Variants in AFAP1 observed in about 807,000 individuals in gnomAD.
The protein encoded by AFAP1 is actin filament associated protein 1, also known as actin filament-associated protein 1.
AFAP1 carries 75 observed loss-of-function variants against 93.9 expected under a neutral mutation model. That is an observed-to-expected ratio of 0.80 (90% CI 0.66 to 0.97). AFAP1 has a LOEUF of 0.97. AFAP1 is among the 50% of genes least tolerant of loss of function. The probability of loss-of-function intolerance (pLI) is 0.00; values close to 1 mark genes in which losing one functional copy is unlikely to be tolerated. For missense variants in AFAP1, 1,201 were observed against 1,050.8 expected, an observed-to-expected ratio of 1.14 and a Z score of -1.98; for synonymous variants, 517 against 430.7, an observed-to-expected ratio of 1.20 and a Z score of -2.48.
At chr4:7,883,321 TTAA>T (rs1407660721) in intron 1 of AFAP1, among the ~76,000 whole-genome samples, 2 of 152,074 alleles carry the variant, frequency 1.3e-5, no homozygotes, top group Non-Finnish European at 2.9e-5. Context: ...TCAACAAAAT[TTAA>T]TAATCATTCC....
At chr4:7,848,505 G>C (rs758350895) in intron 4 of AFAP1, among the ~76,000 whole-genome samples, 1 of 152,102 alleles carries the variant, frequency 6.6e-6, no homozygotes, top group African/African-American at 2.4e-5. Flanking sequence ...TCCCAAGGCC[G>C]GGATGCCTGA....
At chr4:7,909,471 G>A (rs1263479826) in intron 1 of AFAP1, among the ~76,000 whole-genome samples, 1 of 152,188 alleles carries the variant, frequency 6.6e-6, no homozygotes, top group Non-Finnish European at 1.5e-5. Context: ...ACTTACTCTG[G>A]TTCTGCATAA....
At chr4:7,796,243 C>T (rs1718407968) in intron 10 of AFAP1, among the ~76,000 whole-genome samples, 1 of 152,168 alleles carries the variant, frequency 6.6e-6, no homozygotes. Context: ...GACTCCAGGT[C>T]TGGAGCAGGG....
At chr4:7,800,753 G>A (rs1344761588) in intron 9 of AFAP1, 100 bp from the exon 10 acceptor site, 6 of 1,143,408 alleles carry the variant, frequency 5.2e-6, no homozygotes, top group Non-Finnish European at 7.7e-6. Context: ...TGGGAGTGTG[G>A]ATAAAACAAA....
chr4:7,936,182 C>T (rs1474098950), intron 1 of AFAP1, among the ~76,000 whole-genome samples: 4 of 152,136 alleles, frequency 2.6e-5, no homozygotes, highest in African/African-American at 4.8e-5. Flanking sequence ...CTATAATCAT[C>T]CAAATAACTA....
At chr4:7,864,401 G>T (rs533902741) in intron 3 of AFAP1, among the ~76,000 whole-genome samples, 1 of 152,162 alleles carries the variant, frequency 6.6e-6, no homozygotes, top group East Asian at 1.9e-4. Context: ...CATCAATAGC[G>T]AAACGGCCAA....
At chr4:7,890,194 G>C (rs1176371215) in intron 1 of AFAP1, among the ~76,000 whole-genome samples, 1 of 152,156 alleles carries the variant, frequency 6.6e-6, no homozygotes, top group Non-Finnish European at 1.5e-5. Flanking sequence ...TGTTAGGATA[G>C]ATTGGTGAAC....
At chr4:7,881,103 G>A (rs2149196454) in intron 1 of AFAP1, among the ~76,000 whole-genome samples, 1 of 152,196 alleles carries the variant, frequency 6.6e-6, no homozygotes, top group South Asian at 2.1e-4. Context: ...ACCCGCTATA[G>A]AAACTCCCAG....
intron 16 of AFAP1, among the ~76,000 whole-genome samples, chr4:7,769,698 AG>A (rs1253276437): frequency 6.6e-6 from 1 of 152,214 alleles, no homozygotes; most frequent in African/African-American, 2.4e-5. Flanking sequence ...GAAGTCTCCA[AG>A]GAAGAGACGC....
chr4:7,763,876 A>G, intron 17 of AFAP1, 85 bp from the exon 18 acceptor site: 3 of 1,394,490 alleles, frequency 2.2e-6, no homozygotes, highest in South Asian at 2.5e-5. Flanking sequence ...TTCAACTCAG[A>G]GGGGGTGGGT....
chr4:7,841,501 G>A (rs79250728), intron 5 of AFAP1, among the ~76,000 whole-genome samples: 2,015 of 152,318 alleles, frequency 0.013, 17 homozygotes, highest in Non-Finnish European at 0.022. Context: ...GTTCCAGAAG[G>A]AGATGGAAAA....
chr4:7,809,531 T>C, intron 9 of AFAP1, 83 bp downstream of exon 9: 3 of 1,476,626 alleles, frequency 2.0e-6, no homozygotes, highest in East Asian at 4.6e-5. Context: ...GAGCCTTGGA[T>C]GAACTGGGTA....
intron 1 of AFAP1, among the ~76,000 whole-genome samples, chr4:7,887,773 T>C (rs923370966): frequency 1.3e-5 from 2 of 152,214 alleles, no homozygotes; most frequent in Non-Finnish European, 2.9e-5. Flanking sequence ...CTTAGTACGA[T>C]TATGCTATTA....
chr4:7,792,727 G>A (rs907760000), intron 11 of AFAP1, among the ~76,000 whole-genome samples: 14 of 152,116 alleles, frequency 9.2e-5, no homozygotes, highest in African/African-American at 3.4e-4. Context: ...ACGCAGAACA[G>A]GAAAAACCCA....
intron 1 of AFAP1, 101 bp from the exon 2 acceptor site, chr4:7,872,181 C>G (rs1717114806): frequency 6.9e-7 from 1 of 1,453,538 alleles, no homozygotes; most frequent in Non-Finnish European, 9.3e-7. Context: ...TTAGCTTGAT[C>G]ATTGGATATA....
intron 3 of AFAP1, among the ~76,000 whole-genome samples, chr4:7,866,776 C>T (rs376371702): frequency 1.3e-5 from 2 of 151,744 alleles, no homozygotes; most frequent in East Asian, 3.9e-4. Context: ...GTGGGTCACA[C>T]CTGTAATCCT....
At chr4:7,858,539 C>G (rs1715330742) in intron 3 of AFAP1, among the ~76,000 whole-genome samples, 1 of 152,102 alleles carries the variant, frequency 6.6e-6, no homozygotes, top group Admixed American at 6.5e-5. Flanking sequence ...TCAAGTCTTT[C>G]CAATCCTTTC....
chr4:7,818,590 T>C (rs546572563), intron 7 of AFAP1, among the ~76,000 whole-genome samples: 2 of 152,276 alleles, frequency 1.3e-5, no homozygotes, highest in South Asian at 2.1e-4. Context: ...ATGGGCTCCA[T>C]ACATTTCTGG....
At chr4:7,858,175 G>A (rs28377405) in intron 3 of AFAP1, among the ~76,000 whole-genome samples, 61,614 of 151,990 alleles carry the variant, frequency 0.41, 14,123 homozygotes, top group Non-Finnish European at 0.51. Flanking sequence ...AAGAACAAAG[G>A]TGTACTATGA....
Sources: allele counts gnomAD v4.1 joint callset (sites outside exome capture counted in the v4.1 genomes callset), GRCh38; gene constraint gnomAD v4.1.1; transcripts MANE v1.5; gene names NCBI Gene and HGNC (gene_info 2026-07-23, HGNC 2026-07-21).